Variants in GALNTL6 observed in about 807,000 individuals in gnomAD.
GALNTL6 encodes the protein polypeptide N-acetylgalactosaminyltransferase-like 6.
Under a neutral mutation model 73.7 loss-of-function variants are expected in GALNTL6, and 46 were observed. That is an observed-to-expected ratio of 0.62 (90% CI 0.49 to 0.80). GALNTL6 has a LOEUF of 0.80. Among genes scored for constraint, GALNTL6 ranks in the 30% least tolerant of loss-of-function variants. The pLI, the probability that GALNTL6 is intolerant of heterozygous loss-of-function variation, is 0.00. For missense variants in GALNTL6, 604 were observed against 755.0 expected (o/e 0.80, Z 2.34); for synonymous variants, 259 against 263.7 (o/e 0.98, Z 0.17).
rs567806476 is a variant in GALNTL6, at chr4:172,079,573, C to T, written c.139-150083C>T. ...AGTTTACACTCTTACCACAATTTTGCGATAAATATTATCATGATAACTAAA... is the reference window on the plus strand; with the variant it reads ...AGTTTACACTCTTACCACAATTTTGTGATAAATATTATCATGATAACTAAA... On this transcript the variant is annotated intron_variant, in intron 2 of 12. Transcript: ENST00000506823. Among the ~76,000 whole-genome samples the T allele has an allele frequency of 1.8e-4, 28 of 152,038 alleles. No individual in the cohort carries two copies. The South Asian group carries it at 1.9e-3, about 10-fold the overall frequency.
chr4:172,314,890 G>A (rs1197984922), intron 4 of GALNTL6, among the ~76,000 whole-genome samples: 2 of 151,994 alleles, frequency 1.3e-5, no homozygotes, highest in Admixed American at 6.5e-5. Context: ...GATTATAGGC[G>A]TGAGCCACTG....
intron 5 of GALNTL6, among the ~76,000 whole-genome samples, chr4:172,716,409 A>T (rs1203834608): frequency 1.3e-5 from 2 of 152,166 alleles, no homozygotes; most frequent in Non-Finnish European, 2.9e-5. Context: ...TAGGTTTTAT[A>T]ATAAGGCTCT....
chr4:172,540,788 A>G (rs1280541676), intron 5 of GALNTL6, among the ~76,000 whole-genome samples: 1 of 152,236 alleles, frequency 6.6e-6, no homozygotes, highest in African/African-American at 2.4e-5. Context: ...GTCAATAGAA[A>G]GGAATGCTTG....
At chr4:172,346,945 A>G (rs1741762032) in intron 4 of GALNTL6, among the ~76,000 whole-genome samples, 1 of 150,852 alleles carries the variant, frequency 6.6e-6, no homozygotes. Flanking sequence ...GACTCTGAAA[A>G]GTCATGAGCC....
At chr4:172,736,495 A>C (rs1159268989) in intron 5 of GALNTL6, among the ~76,000 whole-genome samples, 1 of 152,194 alleles carries the variant, frequency 6.6e-6, no homozygotes, top group Non-Finnish European at 1.5e-5. Context: ...CAGATTTCAC[A>C]TTGTTAACAC....
chr4:171,991,055 A>G (rs1049336595), intron 2 of GALNTL6, among the ~76,000 whole-genome samples: 1 of 152,124 alleles, frequency 6.6e-6, no homozygotes, highest in African/African-American at 2.4e-5. Flanking sequence ...TGGAACTGAG[A>G]GACTTCAGCA....
intron 5 of GALNTL6, among the ~76,000 whole-genome samples, chr4:172,382,383 T>C (rs1467218448): frequency 6.6e-6 from 1 of 152,204 alleles, no homozygotes. Flanking sequence ...CATCGTTTTA[T>C]GTACTTGTCA....
At chr4:172,664,925 A>T (rs1731577663) in intron 5 of GALNTL6, among the ~76,000 whole-genome samples, 1 of 152,192 alleles carries the variant, frequency 6.6e-6, no homozygotes, top group Admixed American at 6.5e-5. Context: ...GTAAAAGGGG[A>T]ACTAAAGATT....
chr4:172,454,136 TA>T (rs920921961), intron 5 of GALNTL6, among the ~76,000 whole-genome samples: 99 of 151,862 alleles, frequency 6.5e-4, no homozygotes, highest in African/African-American at 2.2e-3. Context: ...ATGAATCCCA[TA>T]AAAAAAATAA....
chr4:171,868,972 T>C (rs113617980), intron 2 of GALNTL6, among the ~76,000 whole-genome samples: 17 of 152,298 alleles, frequency 1.1e-4, no homozygotes, highest in African/African-American at 4.1e-4. Flanking sequence ...TGAGCCACCG[T>C]GTCTTGCCTC....
At chr4:172,340,521 A>G (rs1472493975) in intron 4 of GALNTL6, among the ~76,000 whole-genome samples, 7 of 152,092 alleles carry the variant, frequency 4.6e-5, no homozygotes, top group Non-Finnish European at 1.0e-4. Context: ...TGAGTTTTGA[A>G]GTGTATGGTT....
At chr4:171,887,302 A>G (rs1300502982) in intron 2 of GALNTL6, among the ~76,000 whole-genome samples, 1 of 152,208 alleles carries the variant, frequency 6.6e-6, no homozygotes, top group Non-Finnish European at 1.5e-5. Flanking sequence ...CATTCAAACC[A>G]TAGCAGTTGG....
intron 2 of GALNTL6, among the ~76,000 whole-genome samples, chr4:171,823,169 T>G (rs910230605): frequency 4.6e-5 from 7 of 152,118 alleles, no homozygotes; most frequent in African/African-American, 1.7e-4. Flanking sequence ...TTGTAGAAAT[T>G]TAAATAAAAT....
intron 2 of GALNTL6, among the ~76,000 whole-genome samples, chr4:171,882,126 A>AT (rs1736467186): frequency 6.6e-6 from 1 of 152,104 alleles, no homozygotes; most frequent in South Asian, 2.1e-4. Context: ...CTGGAAATAC[A>AT]TTGAACATCT....
At chr4:172,797,337 C>T (rs751801021) in intron 5 of GALNTL6, among the ~76,000 whole-genome samples, 1 of 152,150 alleles carries the variant, frequency 6.6e-6, no homozygotes, top group African/African-American at 2.4e-5. Flanking sequence ...ACCTCCGCCT[C>T]CCTGGTTCAA....
intron 3 of GALNTL6, among the ~76,000 whole-genome samples, chr4:172,230,412 C>G (rs1376967983): frequency 1.3e-5 from 2 of 151,886 alleles, no homozygotes; most frequent in African/African-American, 4.8e-5. Flanking sequence ...GCGTTGAAAC[C>G]CCATCTCTAC....
intron 2 of GALNTL6, among the ~76,000 whole-genome samples, chr4:172,225,618 G>A (rs192979758): frequency 6.6e-6 from 1 of 152,016 alleles, no homozygotes; most frequent in African/African-American, 2.4e-5. Flanking sequence ...GGCCGGGTGC[G>A]ATGGCTCACG....
At chr4:172,708,069 C>CT (rs1475354784) in intron 5 of GALNTL6, among the ~76,000 whole-genome samples, 1 of 152,058 alleles carries the variant, frequency 6.6e-6, no homozygotes, top group Non-Finnish European at 1.5e-5. Context: ...AAAAACAAAA[C>CT]TTTTTTCTCC....
At chr4:172,303,081 C>T (rs1289668084) in intron 3 of GALNTL6, among the ~76,000 whole-genome samples, 1 of 152,094 alleles carries the variant, frequency 6.6e-6, no homozygotes, top group Non-Finnish European at 1.5e-5. Flanking sequence ...CTCACTACAA[C>T]CTCTGCCGCC....
Sources: allele counts gnomAD v4.1 joint callset (sites outside exome capture counted in the v4.1 genomes callset), GRCh38; gene constraint gnomAD v4.1.1; transcripts MANE v1.5; gene names NCBI Gene and HGNC (gene_info 2026-07-23, HGNC 2026-07-21).